The following SNTG2 variants were observed in gnomAD, a reference collection of about 807,000 sequenced individuals.
The protein encoded by SNTG2 is syntrophin gamma 2, also known as gamma-2-syntrophin.
SNTG2 carries 74 observed loss-of-function variants against 70.9 expected under a neutral mutation model. The observed-to-expected ratio is 1.04, with a 90% CI of 0.86 to 1.27. The LOEUF is 1.27. SNTG2 is among the 50% of genes most tolerant of loss of function. SNTG2 has a pLI of 0.00. For synonymous variants in SNTG2, 278 were observed against 273.8 expected (o/e 1.02, Z -0.15); for missense variants, 717 against 690.7 (o/e 1.04, Z -0.43).
At chr2:1,086,438 A>G (rs1664691754) in intron 2 of SNTG2, among the ~76,000 whole-genome samples, 3 of 152,224 alleles carry the variant, frequency 2.0e-5, no homozygotes, top group South Asian at 2.1e-4. Context: ...CCTGGAAGAG[A>G]GACAAAGACA....
chr2:1,283,451 A>G (rs1380233872), intron 14 of SNTG2, among the ~76,000 whole-genome samples: 1 of 152,148 alleles, frequency 6.6e-6, no homozygotes, highest in Non-Finnish European at 1.5e-5. Context: ...CTGCCCAGTT[A>G]CAAATTAGTC....
At chr2:1,319,202 C>T (rs1011686363) in intron 16 of SNTG2, among the ~76,000 whole-genome samples, 2 of 152,170 alleles carry the variant, frequency 1.3e-5, no homozygotes, top group East Asian at 3.9e-4. Context: ...GCTTTGAGAC[C>T]GGCATCGCTG....
At chr2:1,207,311 A>G (rs1673695704) in intron 8 of SNTG2, among the ~76,000 whole-genome samples, 1 of 152,236 alleles carries the variant, frequency 6.6e-6, no homozygotes, top group South Asian at 2.1e-4. Flanking sequence ...CAGAGTTCAA[A>G]TGTTCCAATA....
Position 1,292,589 on chromosome 2 carries a change from C to G in SNTG2, c.1285-15905C>G, listed in dbSNP as rs1680037078. Among the ~76,000 whole-genome samples, 3 of 152,114 alleles carry G rather than the reference C, an allele frequency of 2.0e-5. No individual in the cohort carries two copies. In the South Asian group the frequency reaches 6.2e-4, roughly 32 times the overall value. On this transcript the variant is annotated intron_variant, in intron 14 of 16. Coordinates refer to ENST00000308624, the MANE Select transcript of SNTG2 (RefSeq NM_018968.4). ...AATTTTGCCAGTTACTTTTTTGCAT[C>G]TATTAAGATGATACAGATTTTTCTT...
intron 8 of SNTG2, among the ~76,000 whole-genome samples, chr2:1,198,832 GA>G (rs984985160): frequency 6.6e-6 from 1 of 151,512 alleles, no homozygotes; most frequent in Admixed American, 6.6e-5. Context: ...ATTGAACCAT[GA>G]AAAAAAAGTC....
intron 1 of SNTG2, among the ~76,000 whole-genome samples, chr2:1,065,087 G>A (rs57378367): frequency 0.011 from 1,638 of 152,240 alleles, 30 homozygotes; most frequent in African/African-American, 0.037. Flanking sequence ...TTGGTTACAC[G>A]TCAGCTGGAG....
chr2:1,248,074 A>G (rs558778738), intron 12 of SNTG2, among the ~76,000 whole-genome samples: 2 of 152,206 alleles, frequency 1.3e-5, no homozygotes, highest in Non-Finnish European at 2.9e-5. Context: ...TGAGAGCTTC[A>G]GGTACCTACA....
intron 1 of SNTG2, among the ~76,000 whole-genome samples, chr2:1,043,372 G>GT (rs1367817224): frequency 6.6e-6 from 1 of 152,124 alleles, no homozygotes; most frequent in Non-Finnish European, 1.5e-5. Context: ...TAGGTTGTCT[G>GT]TTTACTCTGT....
chr2:973,683 C>G (rs1024804172), intron 1 of SNTG2, among the ~76,000 whole-genome samples: 1 of 152,050 alleles, frequency 6.6e-6, no homozygotes, highest in African/African-American at 2.4e-5. Context: ...GATTTTCCCA[C>G]AGCTCTGATA....
intron 4 of SNTG2, among the ~76,000 whole-genome samples, chr2:1,127,859 GA>G (rs2148304655): frequency 6.6e-6 from 1 of 152,192 alleles, no homozygotes; most frequent in African/African-American, 2.4e-5. Flanking sequence ...TTTTTTGGTA[GA>G]ACCTTTAGGT....
At chr2:1,220,286 C>T (rs771514085) in intron 9 of SNTG2, among the ~76,000 whole-genome samples, 9 of 152,222 alleles carry the variant, frequency 5.9e-5, no homozygotes, top group Non-Finnish European at 8.8e-5. Flanking sequence ...CACTGGGTGC[C>T]GTCAGAGCGT....
At chr2:989,194 T>C (rs1408719581) in intron 1 of SNTG2, among the ~76,000 whole-genome samples, 1 of 152,244 alleles carries the variant, frequency 6.6e-6, no homozygotes, top group Non-Finnish European at 1.5e-5. Context: ...GTTACTTCTT[T>C]CTCCCTAACG....
chr2:1,087,436 T>G (rs1252884692), intron 2 of SNTG2, among the ~76,000 whole-genome samples: 1 of 152,114 alleles, frequency 6.6e-6, no homozygotes, highest in East Asian at 1.9e-4. Flanking sequence ...CTCTTACTGT[T>G]CCCGGGTAAA....
At chr2:1,283,046 CA>C (rs1010276504) in intron 14 of SNTG2, among the ~76,000 whole-genome samples, 73 of 152,312 alleles carry the variant, frequency 4.8e-4, no homozygotes, top group African/African-American at 1.7e-3. Context: ...TCTGGATTTT[CA>C]GTCTTCCATG....
chr2:1,137,089 T>C (rs1279609216), intron 4 of SNTG2, among the ~76,000 whole-genome samples: 1 of 152,252 alleles, frequency 6.6e-6, no homozygotes, highest in Non-Finnish European at 1.5e-5. Context: ...GCTCTCTTAA[T>C]GCACGTAAAT....
intron 14 of SNTG2, among the ~76,000 whole-genome samples, chr2:1,279,398 T>TA (rs1278991059): frequency 6.6e-6 from 1 of 152,264 alleles, no homozygotes; most frequent in Non-Finnish European, 1.5e-5. Context: ...CAGGTATGCA[T>TA]GTATGTAGGA....
At chr2:1,238,614 G>A (rs866504035) in intron 10 of SNTG2, among the ~76,000 whole-genome samples, 5 of 152,222 alleles carry the variant, frequency 3.3e-5, no homozygotes, top group African/African-American at 4.8e-5. Context: ...TGACACGGGC[G>A]TTGCCTGGAG....
At chr2:1,036,775 C>A (rs1661152512) in intron 1 of SNTG2, among the ~76,000 whole-genome samples, 1 of 152,238 alleles carries the variant, frequency 6.6e-6, no homozygotes, top group Admixed American at 6.5e-5. Context: ...ATTTAAATCT[C>A]ACTGTCTGCA....
At chr2:1,277,034 G>A (rs1176975407) in intron 14 of SNTG2, among the ~76,000 whole-genome samples, 1 of 152,226 alleles carries the variant, frequency 6.6e-6, no homozygotes, top group African/African-American at 2.4e-5. Context: ...CAGATGAGGA[G>A]TTACTCTTAT....
Sources: gnomAD v4.1 joint callset for allele counts (sites outside exome capture counted in the v4.1 genomes callset) on GRCh38, gnomAD v4.1.1 for gene constraint, MANE v1.5 for transcripts, NCBI Gene and HGNC (gene_info 2026-07-23, HGNC 2026-07-21) for gene names.